The following OPCML variants were observed in gnomAD, a reference collection of about 807,000 sequenced individuals.
OPCML encodes opioid binding protein/cell adhesion molecule like.
Under a neutral mutation model 37.8 loss-of-function variants are expected in OPCML, and 13 were observed. That is an observed-to-expected ratio of 0.34 (90% CI 0.22 to 0.55). The LOEUF is 0.55. OPCML is among the 20% of genes least tolerant of loss of function. OPCML has a pLI of 0.91. For synonymous variants in OPCML, 176 were observed against 168.8 expected, an observed-to-expected ratio of 1.04 and a Z score of -0.33; for missense variants, 341 against 435.6, an observed-to-expected ratio of 0.78 and a Z score of 1.93.
intron 1 of OPCML, among the ~76,000 whole-genome samples, chr11:133,331,119 T>C (rs1306763663): frequency 2.6e-5 from 4 of 152,212 alleles, no homozygotes; most frequent in Admixed American, 6.5e-5. Flanking sequence ...TGAGCCTTTG[T>C]GTTGCTCTAT....
intron 1 of OPCML, among the ~76,000 whole-genome samples, chr11:133,470,570 C>G (rs1258538051): frequency 1.3e-5 from 2 of 152,108 alleles, no homozygotes; most frequent in Non-Finnish European, 2.9e-5. Context: ...TTTCCCTGGT[C>G]CCTGCCACCC....
chr11:132,480,519 C>T (rs1393052136), intron 4 of OPCML, among the ~76,000 whole-genome samples: 1 of 152,264 alleles, frequency 6.6e-6, no homozygotes, highest in East Asian at 1.9e-4. Flanking sequence ...ATACAGAGAA[C>T]ACCACAAAGA....
intron 1 of OPCML, chr11:133,298,903 A>G (rs1244278412): frequency 1.3e-5 from 2 of 152,164 alleles, no homozygotes; most frequent in Non-Finnish European, 2.9e-5. Flanking sequence ...AAGAGGAAAC[A>G]GTCAACTTTC....
At chr11:133,408,619 C>T (rs979197269) in intron 1 of OPCML, among the ~76,000 whole-genome samples, 1 of 152,118 alleles carries the variant, frequency 6.6e-6, no homozygotes, top group African/African-American at 2.4e-5. Flanking sequence ...CGACACCACC[C>T]AGAGGCAGGG....
At position 132,420,124 on chromosome 11, in the gene OPCML, C is replaced by G; in HGVS notation, c.*69G>C. The stretch of plus-strand genomic sequence containing the variant: ...AAAAAGAAGCCCAAGCTGGTTTGCT[C>G]TCCGCAGTGTAGATTAAAGTCTGTG... On this transcript the variant is annotated 3_prime_UTR_variant, in exon 8 of 8. Transcript: ENST00000524381. The G allele has an allele frequency of 6.8e-6, 9 of 1,316,110 alleles. No homozygotes were observed. The highest frequency in any genetic ancestry group is 9.6e-6 in the Non-Finnish European group (9 of 938,166). 81.5% of individuals were successfully genotyped at this position (1,316,110 alleles called of 1,614,324 possible).
chr11:132,467,253 G>A (rs2136939062), intron 4 of OPCML, among the ~76,000 whole-genome samples: 1 of 152,310 alleles, frequency 6.6e-6, no homozygotes, highest in East Asian at 1.9e-4. Context: ...TGCTCCTCTA[G>A]CCTTCCGTCT....
rs189464322 is a variant in OPCML at position 132,573,548 on chromosome 11, G to T, written c.380-44362C>A. Among the ~76,000 whole-genome samples, 701 of 151,948 alleles carry T rather than the reference G, an allele frequency of 4.6e-3. 8 individuals carry two copies. The highest frequency in any genetic ancestry group is 0.017 in the Admixed American group (261 of 15,258). ...TTATCCTTTATTCCATTGATTTTGT[G>T]TATCACATTAATTTATTTTCACAGA... On this transcript the variant is annotated intron_variant, in intron 3 of 7. Transcript: ENST00000524381.
At chr11:132,614,548 C>T (rs1938869209) in intron 3 of OPCML, among the ~76,000 whole-genome samples, 1 of 152,152 alleles carries the variant, frequency 6.6e-6, no homozygotes, top group Admixed American at 6.6e-5. Flanking sequence ...TCATCACAGT[C>T]CCTTCTCTCC....
chr11:133,207,383 G>T (rs973726341), intron 1 of OPCML, among the ~76,000 whole-genome samples: 2 of 152,156 alleles, frequency 1.3e-5, no homozygotes, highest in Non-Finnish European at 2.9e-5. Context: ...CAGGCTTTAA[G>T]TCAGGAGGGT....
intron 1 of OPCML, among the ~76,000 whole-genome samples, chr11:133,380,381 A>T (rs1944905413): frequency 6.6e-6 from 1 of 152,192 alleles, no homozygotes. Flanking sequence ...ATTTAAAAAA[A>T]TTTTCCTAAC....
At chr11:132,787,289 G>A (rs968486773) in intron 2 of OPCML, among the ~76,000 whole-genome samples, 2 of 152,166 alleles carry the variant, frequency 1.3e-5, no homozygotes, top group Admixed American at 1.3e-4. Context: ...GCATGACTGT[G>A]AGCAAAATCT....
intron 1 of OPCML, among the ~76,000 whole-genome samples, chr11:133,154,193 C>T (rs117732417): frequency 4.5e-4 from 67 of 150,142 alleles, no homozygotes; most frequent in Non-Finnish European, 8.3e-4. Context: ...CATTCCCATC[C>T]GCACGAATGT....
intron 2 of OPCML, among the ~76,000 whole-genome samples, chr11:132,826,719 G>T (rs1311843321): frequency 1.3e-5 from 2 of 152,158 alleles, no homozygotes; most frequent in African/African-American, 4.8e-5. Flanking sequence ...TTCTTATGCA[G>T]TCCTGCCTGA....
chr11:132,681,407 C>T (rs915992901), intron 2 of OPCML, among the ~76,000 whole-genome samples: 8 of 152,030 alleles, frequency 5.3e-5, no homozygotes, highest in Non-Finnish European at 7.4e-5. Context: ...GACTGCAGTT[C>T]GACATGGGAG....
At chr11:132,671,827 A>C (rs550589242) in intron 2 of OPCML, among the ~76,000 whole-genome samples, 1 of 152,196 alleles carries the variant, frequency 6.6e-6, no homozygotes, top group Non-Finnish European at 1.5e-5. Context: ...AAGGAGAGAG[A>C]AAAGGAAGAA....
chr11:133,394,539 C>T (rs1945246283), intron 1 of OPCML, among the ~76,000 whole-genome samples: 1 of 152,146 alleles, frequency 6.6e-6, no homozygotes, highest in Non-Finnish European at 1.5e-5. Context: ...CTAAACATCC[C>T]CACTTCCCTT....
chr11:132,768,900 C>A (rs924579389), intron 2 of OPCML, among the ~76,000 whole-genome samples: 1 of 152,062 alleles, frequency 6.6e-6, no homozygotes, highest in Non-Finnish European at 1.5e-5. Context: ...GAAAGTGGGA[C>A]ACAGATGAAA....
chr11:133,083,511 C>T (rs561385856), intron 1 of OPCML, among the ~76,000 whole-genome samples: 3 of 152,354 alleles, frequency 2.0e-5, no homozygotes, highest in East Asian at 3.9e-4. Context: ...CCCATGCATC[C>T]AGCGTGCCTG....
intron 2 of OPCML, among the ~76,000 whole-genome samples, chr11:132,886,449 A>G (rs1360896958): frequency 6.6e-6 from 1 of 152,142 alleles, no homozygotes; most frequent in Admixed American, 6.5e-5. Context: ...TGGCTTCTTC[A>G]TTCCTTATCT....
Sources: allele counts gnomAD v4.1 joint callset (sites outside exome capture counted in the v4.1 genomes callset), GRCh38; gene constraint gnomAD v4.1.1; transcripts MANE v1.5; gene names NCBI Gene and HGNC (gene_info 2026-07-23, HGNC 2026-07-21).